Variants in GRP observed in about 807,000 individuals in gnomAD.
The protein encoded by GRP is gastrin releasing peptide, also known as gastrin-releasing peptide.
In GRP, 11 loss-of-function variants were observed where a neutral mutation model predicts 12.7. The observed-to-expected ratio is 0.87, with a 90% CI of 0.55 to 1.44. The LOEUF is 1.44. Ranked by LOEUF, GRP falls within the 40% of genes most tolerant of loss-of-function variation. GRP has a pLI of 0.00. For missense variants in GRP, 212 were observed against 185.4 expected, an observed-to-expected ratio of 1.14 and a Z score of -0.83; for synonymous variants, 84 against 77.7, an observed-to-expected ratio of 1.08 and a Z score of -0.43.
intron 1 of GRP, among the ~76,000 whole-genome samples, chr18:59,224,031 A>G (rs937529289): frequency 9.8e-5 from 15 of 152,330 alleles, no homozygotes; most frequent in African/African-American, 3.4e-4. Flanking sequence ...ATAATGCATC[A>G]TGATATATTG....
intron 1 of GRP, among the ~76,000 whole-genome samples, chr18:59,222,538 G>T (rs1479764855): frequency 6.6e-6 from 1 of 152,196 alleles, no homozygotes; most frequent in African/African-American, 2.4e-5. Context: ...CGTTTGCTTT[G>T]AGTAACATGC....
rs2069824809 is a variant in GRP, at chr18:59,221,081, G to A, written c.139+677G>A. 4.6e-5 allele frequency among the ~76,000 whole-genome samples: 7 copies of A among 152,344 alleles called. No individual in the cohort carries two copies. In the South Asian group the frequency reaches 1.4e-3, roughly 32 times the overall value. ...TCCCTCTTTCCAGCCAGCAGGCTCT[G>A]AGCTTGGGGAATCTCGCCTGCTCTC... On this transcript the variant is annotated intron_variant, in intron 1 of 2. Coordinates refer to ENST00000256857, the MANE Select transcript of GRP (RefSeq NM_002091.5).
intron 1 of GRP, among the ~76,000 whole-genome samples, chr18:59,222,807 C>G (rs751456707): frequency 2.6e-5 from 4 of 152,154 alleles, no homozygotes; most frequent in Non-Finnish European, 5.9e-5. Flanking sequence ...AGCTTGAAAA[C>G]TTAACAAATT....
At chr18:59,221,095 T>G (rs1344632685) in intron 1 of GRP, among the ~76,000 whole-genome samples, 2 of 152,260 alleles carry the variant, frequency 1.3e-5, no homozygotes, top group Non-Finnish European at 2.9e-5. Context: ...TTGGGGAATC[T>G]CGCCTGCTCT....
rs2070014308 is a variant in GRP, at chr18:59,230,425, G to A, written c.404G>A (p.Gly135Asp). 6.3e-7 allele frequency: 1 copy of A among 1,595,948 alleles called. No homozygotes were observed. ...TAAGTTGGTAGACTCTCTGCTCCAG[G>A]TTCTCAACGTGAAGGAAGGAACCCC... Reference protein sequence around the residue: ...KGKVGRLSAPGSQREGRNPQL... With the variant: ...KGKVGRLSAPDSQREGRNPQL... Residue 135 changes from glycine to aspartate, a missense_variant, in exon 3 of 3, where the codon GGT becomes GAT. Physicochemically the swap from Gly to Asp is moderately conservative, Grantham distance 94 (BLOSUM62 -1). Coordinates refer to ENST00000256857, the MANE Select transcript of GRP (RefSeq NM_002091.5).
upstream of GRP, among the ~76,000 whole-genome samples, chr18:59,219,642 G>A (rs914169973): frequency 1.3e-5 from 2 of 151,970 alleles, no homozygotes; most frequent in African/African-American, 4.8e-5. Flanking sequence ...AGGAGGCAAG[G>A]TTCCAAAATC....
chr18:59,220,466 G>T, intron 1 of GRP, 62 bp downstream of exon 1: 1 of 1,301,246 alleles, frequency 7.7e-7, no homozygotes. Context: ...AGCCGGAGGG[G>T]ACCTGTCTCC....
rs766668240 is a variant in GRP, at chr18:59,225,717, T to A, written c.365T>A (p.Val122Glu). 2.0e-5 allele frequency: 33 copies of A among 1,613,694 alleles called. No homozygotes were observed. The highest frequency in any genetic ancestry group is 2.7e-5 in the Non-Finnish European group (32 of 1,179,912). The change falls in exon 2 of 3, where the codon GTA (valine) becomes GAA (glutamate). Residue 122 changes from valine to glutamate, a missense_variant. Transcript: ENST00000256857. ...DSEDSSNFKD[V>E]GSKGKVGRLS... is the part of the protein sequence containing the mutation. ...GAGGATAGCAGCAACTTCAAAGATG[T>A]AGGTTCAAAAGGCAAAGGTAAAAGA...
At chr18:59,222,093 G>A (rs2069844669) in intron 1 of GRP, among the ~76,000 whole-genome samples, 1 of 152,208 alleles carries the variant, frequency 6.6e-6, no homozygotes, top group Non-Finnish European at 1.5e-5. Context: ...ACCAGCCAAT[G>A]GGGCTGGAAA....
intron 1 of GRP, among the ~76,000 whole-genome samples, chr18:59,222,252 C>G (rs1016997747): frequency 4.6e-5 from 7 of 152,230 alleles, no homozygotes; most frequent in African/African-American, 1.7e-4. Context: ...TGGTGCAAGT[C>G]AAGCCAATCT....
intron 1 of GRP, among the ~76,000 whole-genome samples, chr18:59,224,306 A>C (rs930021240): frequency 6.6e-6 from 1 of 152,220 alleles, no homozygotes; most frequent in Admixed American, 6.5e-5. Context: ...ACATCCCATA[A>C]ACTGCAAATC....
chr18:59,219,806 A>G (rs2069797522), upstream of GRP, among the ~76,000 whole-genome samples: 1 of 151,574 alleles, frequency 6.6e-6, no homozygotes, highest in East Asian at 2.0e-4. Context: ...CCCGGCCCAG[A>G]TCAGGCAGCG....
At chr18:59,220,714 C>G (rs1373989097) in intron 1 of GRP, among the ~76,000 whole-genome samples, 1 of 152,168 alleles carries the variant, frequency 6.6e-6, no homozygotes, top group Admixed American at 6.5e-5. Flanking sequence ...ATCACCTTCC[C>G]TCTGCGCCCA....
chr18:59,220,987 GA>G (rs2069823487), intron 1 of GRP, among the ~76,000 whole-genome samples: 1 of 152,156 alleles, frequency 6.6e-6, no homozygotes. Flanking sequence ...GCCTGTCTGT[GA>G]CTCTCTGGAG....
chr18:59,227,016 T>TCTTTCTTTCTTTCTTTCTTCCTTC (rs2069941723), intron 2 of GRP, among the ~76,000 whole-genome samples: 3 of 129,414 alleles, frequency 2.3e-5, no homozygotes, highest in South Asian at 2.3e-4. Flanking sequence ...TTTCTTTCTT[T>TCTTTCTTTCTTTCTTTCTTCCTTC]CTTTCTTTCT....
intron 2 of GRP, among the ~76,000 whole-genome samples, chr18:59,227,195 G>GT (rs1373095941): frequency 6.6e-6 from 1 of 150,994 alleles, no homozygotes; most frequent in Non-Finnish European, 1.5e-5. Context: ...CCAAATGTGG[G>GT]TTTCTATGCT....
At chr18:59,227,012 T>TCTTTCTTTCTTTCTTTCTTTCTTCCTTC (rs2069940317) in intron 2 of GRP, among the ~76,000 whole-genome samples, 2 of 130,380 alleles carry the variant, frequency 1.5e-5, no homozygotes, top group East Asian at 4.2e-4. Context: ...TTTCTTTCTT[T>TCTTTCTTTCTTTCTTTCTTTCTTCCTTC]CTTTCTTTCT....
intron 1 of GRP, among the ~76,000 whole-genome samples, chr18:59,221,565 A>G (rs553530810): frequency 1.2e-4 from 18 of 147,884 alleles, no homozygotes; most frequent in African/African-American, 4.3e-4. Context: ...AAGAGTGTGT[A>G]TGTGTGTGTG....
rs904316721 is a variant in GRP at position 59,224,972 on chromosome 18, G to T, written c.140-520G>T. Among the ~76,000 whole-genome samples, 7 of 151,898 alleles carry T rather than the reference G, an allele frequency of 4.6e-5. No homozygotes were observed. The East Asian group carries it at 1.2e-3, about 25-fold the overall frequency. On this transcript the variant is annotated intron_variant, in intron 1 of 2. Coordinates refer to ENST00000256857, the MANE Select transcript of GRP (RefSeq NM_002091.5). Reference sequence around the variant, plus strand: ...ATTCCTTTGGTATTTTTTTTATTACGATAAAAGGAAAGAAATATTTTTAAA... The same window carrying T: ...ATTCCTTTGGTATTTTTTTTATTACTATAAAAGGAAAGAAATATTTTTAAA...
Sources: allele counts gnomAD v4.1 joint callset (sites outside exome capture counted in the v4.1 genomes callset), GRCh38; gene constraint gnomAD v4.1.1; transcripts MANE v1.5; gene names NCBI Gene and HGNC (gene_info 2026-07-23, HGNC 2026-07-21).